CPSF6: variants seen among roughly 807,000 people sequenced by gnomAD.
CPSF6 encodes cleavage and polyadenylation specific factor 6, also known as cleavage and polyadenylation specificity factor subunit 6.
In CPSF6, 10 loss-of-function variants were observed where a neutral mutation model predicts 56.7. That is an observed-to-expected ratio of 0.18 (90% CI 0.11 to 0.30). The LOEUF (loss-of-function observed/expected upper bound fraction) is 0.30. CPSF6 is among the 10% of genes least tolerant of loss of function. CPSF6 has a pLI of 1.00. For missense variants in CPSF6, 419 were observed against 722.9 expected, an observed-to-expected ratio of 0.58 and a Z score of 4.82; for synonymous variants, 248 against 244.8, an observed-to-expected ratio of 1.01 and a Z score of -0.12.
rs1473178828 is a variant in CPSF6, at chr12:69,272,338, T to C, written c.*2830T>C. The C allele has an allele frequency of 6.6e-6, 1 of 151,728 alleles. No individual in the cohort carries two copies. The allele number at this position is 151,728 out of a possible 1,614,324, so 9.4% of individuals were successfully genotyped here. On this transcript the variant is annotated 3_prime_UTR_variant, in exon 10 of 10. Coordinates refer to ENST00000435070, the MANE Select transcript of CPSF6 (RefSeq NM_007007.3). ...CATTTAATTCTCCTGTGGAGAATAT[T>C]GCTTTATTTTTTACTAGTTTCAGGT...
chr12:69,239,668 A>G lies in CPSF6; in HGVS notation c.22A>G (p.Ile8Val). The change falls in exon 1 of 10, where the codon ATA (isoleucine) becomes GTA (valine). Residue 8 changes from isoleucine (I) to valine (V), a missense_variant. By Grantham distance (29) the Ile-to-Val change is conservative (BLOSUM62 3). Coordinates refer to ENST00000435070, the MANE Select transcript of CPSF6 (RefSeq NM_007007.3). Reference protein sequence around the residue: MADGVDHIDIYADVGEEF... With the variant: MADGVDHVDIYADVGEEF... ...GAAGATGGCGGACGGCGTGGACCAC[A>G]TAGACATTTACGCGGATGTCGGCGA... is the stretch of plus-strand genomic sequence containing the variant. 6.3e-7 allele frequency: 1 copy of G among 1,591,222 alleles called. No individual in the cohort carries two copies. The highest frequency in any genetic ancestry group is 8.5e-7 in the Non-Finnish European group (1 of 1,169,910).
rs144639212 is a variant in CPSF6 at position 69,259,068 on chromosome 12, T to C, written c.1173T>C (p.Asp391=). 251 of 1,602,394 alleles carry C rather than the reference T, an allele frequency of 1.6e-4. 1 individual carries two copies. In the South Asian group the frequency reaches 2.3e-3, roughly 15 times the overall value. The part of the protein sequence containing the change: ...TDPYGRPPPY[D]RGDYGPPGRE... ...CATATGGGCGACCTCCACCATATGA[T>C]AGGGGTGACTATGGCCCCCCTGGAA... Residue 391 remains aspartate (D), a synonymous_variant, in exon 6 of 10, where the codon GAT becomes GAC. Coordinates refer to ENST00000435070, the MANE Select transcript of CPSF6 (RefSeq NM_007007.3).
At chr12:69,251,363 A>T (rs1872233009) in intron 2 of CPSF6, 25 bp downstream of exon 2, 4 of 1,384,678 alleles carry the variant, frequency 2.9e-6, no homozygotes, top group Non-Finnish European at 4.1e-6. Flanking sequence ...TATAAGAATT[A>T]AATTATTGGT....
At chr12:69,265,439 T>A (rs1389868918) in intron 9 of CPSF6, among the ~76,000 whole-genome samples, 1 of 152,182 alleles carries the variant, frequency 6.6e-6, no homozygotes, top group Non-Finnish European at 1.5e-5. Context: ...AGCTTTTCTT[T>A]GTTTACTGAA....
In CPSF6 at chr12:69,258,962, A is replaced by T; in HGVS notation, c.1067A>T (p.His356Leu). The change falls in exon 6 of 10, where the codon CAT (histidine) becomes CTT (leucine). Residue 356 changes from histidine to leucine, a missense_variant. By Grantham distance (99) the His-to-Leu change is moderately conservative. This residue lies in a region of CPSF6 where 211 missense variants were observed against 296.0 expected (regional missense o/e 0.71). Transcript: ENST00000435070. This position sits in a 1 kb window ranked among gnomAD's most constrained non-coding sequence, Gnocchi z 4.2. ...PPPGAPPPAP[H>L]VNPAFFPPPT... ...CCAGGTGCCCCACCGCCAGCTCCGC[A>T]TGTGAACCCAGCTTTCTTTCCTCCA... The T allele has an allele frequency of 6.2e-7, 1 of 1,613,978 alleles. No homozygotes were observed. The highest frequency in any genetic ancestry group is 8.5e-7 in the Non-Finnish European group (1 of 1,180,038).
chr12:69,259,188 C>T (rs1872640748), intron 6 of CPSF6, 94 bp downstream of exon 6: 1 of 1,389,352 alleles, frequency 7.2e-7, no homozygotes, highest in African/African-American at 1.5e-5. Flanking sequence ...TATGTTATTT[C>T]TGCCTTCCAA....
intron 5 of CPSF6, 51 bp downstream of exon 5, chr12:69,257,956 CTT>C (rs1872581468): frequency 1.3e-6 from 2 of 1,584,970 alleles, no homozygotes; most frequent in Non-Finnish European, 1.7e-6. Context: ...CCTAATACCT[CTT>C]TTCCTTTTCT....
rs748677342 is a variant in CPSF6, at chr12:69,270,670, A to G, written c.*1162A>G. 1.2e-4 allele frequency: 18 copies of G among 151,846 alleles called. No individual in the cohort carries two copies. The highest frequency in any genetic ancestry group is 9.6e-4 in the East Asian group (5 of 5,190). The allele number at this position is 151,846 out of a possible 1,614,324, so 9.4% of individuals were successfully genotyped here. A position where few individuals can be genotyped will look rare whatever the true frequency, so the allele number is the denominator to read the frequency against. On this transcript the variant is annotated 3_prime_UTR_variant, in exon 10 of 10. Coordinates refer to ENST00000435070, the MANE Select transcript of CPSF6 (RefSeq NM_007007.3). ...CTGCACAGTTTAAGGAATACTATGT[A>G]TATTCATGCACCGTATTGATTCATG...
chr12:69,273,834 C>T lies in CPSF6; in HGVS notation c.*4326C>T, dbSNP rs959393420. ...GCCTTAAAAAAAAGGTCTATTATTC[C>T]TTCCTCTGCATCCCATGGTATATTA... On this transcript the variant is annotated 3_prime_UTR_variant, in exon 10 of 10. Transcript: ENST00000435070. The T allele has an allele frequency of 6.6e-6, 1 of 151,862 alleles. No homozygotes were observed. Among genetic ancestry groups the T allele is most frequent in the Non-Finnish European group, 1.5e-5 (1 of 67,840 alleles). 9.4% of individuals were successfully genotyped at this position (151,862 alleles called of 1,614,324 possible).
rs1419412077 is a variant in CPSF6, at chr12:69,269,879, C to T, written c.*371C>T. ...GTTAAAAATGTTTATATGATAATGT[C>T]TGTAAACAGCATCACTTTGATTACA... is the stretch of plus-strand genomic sequence containing the variant. On this transcript the variant is annotated 3_prime_UTR_variant, in exon 10 of 10. Coordinates refer to ENST00000435070, the MANE Select transcript of CPSF6 (RefSeq NM_007007.3). 2 of 174,596 alleles carry T rather than the reference C, an allele frequency of 1.1e-5. No homozygotes were observed. Among genetic ancestry groups the T allele is most frequent in the East Asian group, 1.8e-4 (1 of 5,696 alleles). 10.8% of individuals were successfully genotyped at this position (174,596 alleles called of 1,614,324 possible). A position where few individuals can be genotyped will look rare whatever the true frequency, so the allele number is the denominator to read the frequency against.
chr12:69,260,810 G>C (rs993296028), intron 8 of CPSF6, among the ~76,000 whole-genome samples: 9 of 152,118 alleles, frequency 5.9e-5, no homozygotes, highest in Non-Finnish European at 1.0e-4. Flanking sequence ...GATGGGTCTT[G>C]TTAAGTTACC....
In CPSF6 at chr12:69,262,557, TAGA is replaced by T. The variant is rs750239890; in HGVS notation, c.*1_*3del. On this transcript the variant is annotated splice_region_variant and stop_retained_variant and 3_prime_UTR_variant, in exon 9 of 10. Coordinates refer to ENST00000435070, the MANE Select transcript of CPSF6 (RefSeq NM_007007.3). Reference sequence around the variant, plus strand: ...CCGAGAGCGCGAATATCGTCATCGTTAGAAGGTGGGTATTCCTTGTTCCCTGTT... The same window carrying T: ...CCGAGAGCGCGAATATCGTCATCGTTAGGTGGGTATTCCTTGTTCCCTGTT... 1.9e-6 allele frequency: 3 copies of T among 1,610,778 alleles called. No homozygotes were observed. Among genetic ancestry groups the T allele is most frequent in the Non-Finnish European group, 2.5e-6 (3 of 1,178,056 alleles).
At position 69,269,887 on chromosome 12, in the gene CPSF6, A is replaced by C. The variant is rs965989800; in HGVS notation, c.*379A>C. On this transcript the variant is annotated 3_prime_UTR_variant, in exon 10 of 10. Coordinates refer to ENST00000435070, the MANE Select transcript of CPSF6 (RefSeq NM_007007.3). Reference sequence around the variant, plus strand: ...TGTTTATATGATAATGTCTGTAAACAGCATCACTTTGATTACAATAGATGT... The same window carrying C: ...TGTTTATATGATAATGTCTGTAAACCGCATCACTTTGATTACAATAGATGT... 1.7e-5 allele frequency: 3 copies of C among 172,098 alleles called. No individual in the cohort carries two copies. The highest frequency in any genetic ancestry group is 7.2e-5 in the African/African-American group (3 of 41,636). The allele number at this position is 172,098 out of a possible 1,614,324, so 10.7% of individuals were successfully genotyped here. A position where few individuals can be genotyped will look rare whatever the true frequency, so the allele number is the denominator to read the frequency against.
chr12:69,244,057 A>G (rs77328096), intron 1 of CPSF6, among the ~76,000 whole-genome samples: 5,529 of 152,162 alleles, frequency 0.036, 350 homozygotes, highest in African/African-American at 0.13. Context: ...CCTGGGCTCA[A>G]GCTGTCTTCT....
intron 2 of CPSF6, chr12:69,252,323 A>G (rs1872289434): frequency 3.4e-6 from 1 of 297,082 alleles, no homozygotes; most frequent in Non-Finnish European, 6.6e-6. Context: ...GCCTCAAGTG[A>G]TCCTCCTAAC....
At chr12:69,267,997 C>A (rs1873073981) in intron 9 of CPSF6, among the ~76,000 whole-genome samples, 1 of 151,728 alleles carries the variant, frequency 6.6e-6, no homozygotes, top group African/African-American at 2.4e-5. Context: ...GTTTTTCCCT[C>A]TTAATGACTT....
At chr12:69,265,564 C>G (rs1872936053) in intron 9 of CPSF6, among the ~76,000 whole-genome samples, 2 of 145,960 alleles carry the variant, frequency 1.4e-5, no homozygotes, top group Non-Finnish European at 3.0e-5. Flanking sequence ...GGTATGGGGT[C>G]TGGATTAAAT....
chr12:69,256,799 C>T lies in CPSF6; in HGVS notation c.477C>T (p.Cys159=). Residue 159 remains cysteine (C), a synonymous_variant, in exon 4 of 10, where the codon TGC becomes TGT. Coordinates refer to ENST00000435070, the MANE Select transcript of CPSF6 (RefSeq NM_007007.3). ...LHGQNPVVTP[C]NKQFLSQFEM... The stretch of plus-strand genomic sequence containing the variant: ...GTCAGAATCCTGTTGTAACTCCATG[C>T]AATAAACAGTTCCTGAGTCAATTTG... 1.2e-6 allele frequency: 2 copies of T among 1,613,310 alleles called. No individual in the cohort carries two copies. The highest frequency in any genetic ancestry group is 1.1e-5 in the South Asian group (1 of 90,926).
At chr12:69,268,038 G>T (rs532009197) in intron 9 of CPSF6, among the ~76,000 whole-genome samples, 22 of 151,886 alleles carry the variant, frequency 1.4e-4, no homozygotes, top group African/African-American at 5.3e-4. Context: ...AGAAAATTTA[G>T]GGAGATAGCA....
Sources: allele counts gnomAD v4.1 joint callset (sites outside exome capture counted in the v4.1 genomes callset), GRCh38; gene constraint gnomAD v4.1.1; regional missense constraint gnomAD v4.1.1; non-coding constraint Gnocchi (gnomAD v3.1); transcripts MANE v1.5; gene names NCBI Gene and HGNC (gene_info 2026-07-23, HGNC 2026-07-21).